PRKG1: variants seen among roughly 807,000 people sequenced by gnomAD.
PRKG1 encodes cGMP-dependent protein kinase 1.
Under a neutral mutation model 88.1 loss-of-function variants are expected in PRKG1, and 35 were observed. That is an observed-to-expected ratio of 0.40 (90% CI 0.30 to 0.53). PRKG1 has a LOEUF of 0.53. Among genes scored for constraint, PRKG1 ranks in the 20% least tolerant of loss-of-function variants. The probability of loss-of-function intolerance (pLI) is 0.59; values close to 1 mark genes in which losing one functional copy is unlikely to be tolerated. For missense variants in PRKG1, 540 were observed against 839.8 expected (o/e 0.64, Z 4.41); for synonymous variants, 303 against 292.5 (o/e 1.04, Z -0.37).
At chr10:51,386,168 A>G (rs1256332415) in intron 2 of PRKG1, among the ~76,000 whole-genome samples, 2 of 152,164 alleles carry the variant, frequency 1.3e-5, no homozygotes, top group Non-Finnish European at 2.9e-5. Flanking sequence ...CAGATGTTTC[A>G]GTCTTTCAGA....
intron 5 of PRKG1, among the ~76,000 whole-genome samples, chr10:51,930,782 C>A (rs1040000445): frequency 6.6e-6 from 1 of 151,916 alleles, no homozygotes; most frequent in Non-Finnish European, 1.5e-5. Flanking sequence ...TCAGCCACTG[C>A]GCCTGGCCAA....
At chr10:51,352,519 A>C (rs1179397376) in intron 2 of PRKG1, among the ~76,000 whole-genome samples, 1 of 152,190 alleles carries the variant, frequency 6.6e-6, no homozygotes, top group East Asian at 1.9e-4. Flanking sequence ...TTAAGTACCT[A>C]GGAATTAACA....
chr10:51,131,620 A>T (rs934644817), intron 1 of PRKG1, among the ~76,000 whole-genome samples: 19 of 152,154 alleles, frequency 1.2e-4, no homozygotes, highest in Admixed American at 1.0e-3. Flanking sequence ...ACATACATAC[A>T]TACAGTGGAA....
intron 1 of PRKG1, among the ~76,000 whole-genome samples, chr10:51,120,019 C>A (rs934611011): frequency 6.6e-6 from 1 of 152,026 alleles, no homozygotes; most frequent in African/African-American, 2.4e-5. Context: ...GCCAATAAGG[C>A]CTTACTTTCA....
chr10:51,887,795 G>A (rs1841610460), intron 4 of PRKG1, among the ~76,000 whole-genome samples: 1 of 151,944 alleles, frequency 6.6e-6, no homozygotes, highest in Non-Finnish European at 1.5e-5. Flanking sequence ...CTTTGTTTTT[G>A]TTTTGCTATT....
intron 9 of PRKG1, among the ~76,000 whole-genome samples, chr10:52,201,110 C>A (rs575846840): frequency 6.6e-6 from 1 of 151,970 alleles, no homozygotes; most frequent in Non-Finnish European, 1.5e-5. Context: ...TTGGTGCCTT[C>A]GTTATGAAAT....
At chr10:52,204,917 C>T (rs541276820) in intron 9 of PRKG1, among the ~76,000 whole-genome samples, 7 of 152,114 alleles carry the variant, frequency 4.6e-5, no homozygotes, top group South Asian at 2.1e-4. Flanking sequence ...TTACCGAAAA[C>T]GGGTAAGAGA....
At chr10:51,140,692 C>T (rs1015806285) in intron 1 of PRKG1, among the ~76,000 whole-genome samples, 1 of 152,150 alleles carries the variant, frequency 6.6e-6, no homozygotes, top group African/African-American at 2.4e-5. Context: ...AAGTGAGTGT[C>T]CTCATAGACT....
intron 1 of PRKG1, among the ~76,000 whole-genome samples, chr10:51,118,094 C>T (rs1845171013): frequency 2.0e-5 from 3 of 152,146 alleles, no homozygotes. Flanking sequence ...GAGATCCTTC[C>T]TAACCCTGAG....
intron 12 of PRKG1, among the ~76,000 whole-genome samples, chr10:52,274,477 G>C (rs916307201): frequency 6.7e-6 from 1 of 150,268 alleles, no homozygotes; most frequent in East Asian, 1.9e-4. Flanking sequence ...TGGCTGTGTA[G>C]TATTCCATCA....
At chr10:52,102,399 G>A (rs1386628596) in intron 7 of PRKG1, among the ~76,000 whole-genome samples, 1 of 152,024 alleles carries the variant, frequency 6.6e-6, no homozygotes, top group African/African-American at 2.4e-5. Flanking sequence ...TCTCTGCAGA[G>A]GGAACATCAT....
intron 5 of PRKG1, among the ~76,000 whole-genome samples, chr10:51,928,372 G>C (rs574430210): frequency 6.6e-6 from 1 of 152,154 alleles, no homozygotes; most frequent in Admixed American, 6.6e-5. Context: ...AACTATTATC[G>C]TTTTCTGTCA....
intron 9 of PRKG1, among the ~76,000 whole-genome samples, chr10:52,219,299 T>C (rs529961208): frequency 5.9e-5 from 9 of 152,188 alleles, no homozygotes; most frequent in Non-Finnish European, 1.0e-4. Context: ...TTTAGCTAAT[T>C]AGAAAATGTA....
At chr10:51,219,831 G>T (rs1838481108) in intron 2 of PRKG1, among the ~76,000 whole-genome samples, 1 of 152,160 alleles carries the variant, frequency 6.6e-6, no homozygotes, top group African/African-American at 2.4e-5. Flanking sequence ...AAGGTTTCCT[G>T]TCAGTGGTGA....
chr10:51,959,219 A>G (rs995890090), intron 5 of PRKG1, among the ~76,000 whole-genome samples: 2 of 152,180 alleles, frequency 1.3e-5, no homozygotes, highest in African/African-American at 4.8e-5. Context: ...TGATAGTGTT[A>G]TGTGAGAAAT....
At chr10:51,565,683 C>T (rs766622271) in intron 3 of PRKG1, among the ~76,000 whole-genome samples, 2 of 152,016 alleles carry the variant, frequency 1.3e-5, no homozygotes, top group Non-Finnish European at 2.9e-5. Context: ...TCCAAAATTA[C>T]CCTTGAAACT....
intron 2 of PRKG1, among the ~76,000 whole-genome samples, chr10:51,177,777 A>G (rs1837234828): frequency 6.6e-6 from 1 of 152,036 alleles, no homozygotes; most frequent in Non-Finnish European, 1.5e-5. Context: ...TTTGGGATTA[A>G]TGTATTAAAT....
chr10:51,102,711 C>G (rs7897458), intron 1 of PRKG1, among the ~76,000 whole-genome samples: 1 of 152,118 alleles, frequency 6.6e-6, no homozygotes, highest in African/African-American at 2.4e-5. Context: ...TTGCAAGGAC[C>G]ATAGTTAACA....
chr10:51,459,509 T>C (rs1472873439), intron 2 of PRKG1, among the ~76,000 whole-genome samples: 1 of 152,180 alleles, frequency 6.6e-6, no homozygotes, highest in Admixed American at 6.5e-5. Context: ...ATTTTATTTT[T>C]TATAAGAAAG....
Sources: allele counts gnomAD v4.1 joint callset (sites outside exome capture counted in the v4.1 genomes callset), GRCh38; gene constraint gnomAD v4.1.1; transcripts MANE v1.5; gene names NCBI Gene and HGNC (gene_info 2026-07-23, HGNC 2026-07-21).